The following USP30 variants were observed in gnomAD, a reference collection of about 807,000 sequenced individuals.
USP30 encodes the protein ubiquitin carboxyl-terminal hydrolase 30.
Under a neutral mutation model 68.2 loss-of-function variants are expected in USP30, and 41 were observed. That is an observed-to-expected ratio of 0.60 (90% CI 0.47 to 0.78). The LOEUF (loss-of-function observed/expected upper bound fraction) is 0.78. Among genes scored for constraint, USP30 ranks in the 30% least tolerant of loss-of-function variants. The pLI, the probability that USP30 is intolerant of heterozygous loss-of-function variation, is 0.00. For missense variants in USP30, 522 were observed against 649.4 expected (o/e 0.80, Z 2.13); for synonymous variants, 229 against 253.7 (o/e 0.90, Z 0.93).
In USP30 at chr12:109,052,704, C is replaced by T. The variant is rs757294030; in HGVS notation, c.26C>T (p.Ala9Val). The stretch of plus-strand genomic sequence containing the variant: ...ATGCTGAGCTCCCGGGCCGAGGCGG[C>T]GATGACCGCGGCCGACAGGGCCATC... MLSSRAEA[A>V]MTAADRAIQR... is the part of the protein sequence containing the mutation. The change falls in exon 1 of 13, where the codon GCG (alanine) becomes GTG (valine). Residue 9 changes from alanine to valine, a missense_variant. Coordinates refer to ENST00000257548, the MANE Select transcript of USP30 (RefSeq NM_032663.5). The T allele has an allele frequency of 6.7e-6, 10 of 1,483,722 alleles. No individual in the cohort carries two copies. Among genetic ancestry groups the T allele is most frequent in the Middle Eastern group, 1.9e-4 (1 of 5,344 alleles). 91.9% of individuals were successfully genotyped at this position (1,483,722 alleles called of 1,614,324 possible). A position where few individuals can be genotyped will look rare whatever the true frequency, so the allele number is the denominator to read the frequency against.
intron 4 of USP30, 22 bp downstream of exon 4, chr12:109,067,649 G>A (rs117705396): frequency 0.01 from 16,287 of 1,605,296 alleles, 126 homozygotes; most frequent in Middle Eastern, 0.013. Context: ...ATTTGAACAG[G>A]TTTAGCTTGG....
At chr12:109,028,056 G>A (rs754981222) in intron 3 of USP30, among the ~76,000 whole-genome samples, 7 of 152,324 alleles carry the variant, frequency 4.6e-5, no homozygotes, top group Admixed American at 6.5e-5. Context: ...CTCAACACTT[G>A]TTGATAATAG....
At chr12:109,042,545 T>A (rs2040572388) in intron 3 of USP30, among the ~76,000 whole-genome samples, 2 of 152,200 alleles carry the variant, frequency 1.3e-5, no homozygotes, top group African/African-American at 4.8e-5. Flanking sequence ...ATTGTTTTCA[T>A]AGCTACATAG....
In USP30 at chr12:109,081,921, C is replaced by T. The variant is rs752996506; in HGVS notation, c.781-12C>T. ...TTTGAATTGTAGTAATTTTCTTCTT[C>T]TCATGCTGTAGGGTCACCCATTGAC... On this transcript the variant is annotated splice_polypyrimidine_tract_variant and intron_variant, in intron 8 of 12. Transcript: ENST00000257548. 1 of 1,613,502 alleles carries T rather than the reference C, an allele frequency of 6.2e-7. No homozygotes were observed. The highest frequency in any genetic ancestry group is 8.5e-7 in the Non-Finnish European group (1 of 1,179,422).
At chr12:109,055,015 T>TACAC (rs377599084) in intron 1 of USP30, among the ~76,000 whole-genome samples, 1 of 151,190 alleles carries the variant, frequency 6.6e-6, no homozygotes, top group African/African-American at 2.4e-5. Flanking sequence ...AATAATGTAT[T>TACAC]ACACACACAC....
intron 2 of USP30, among the ~76,000 whole-genome samples, chr12:109,026,329 G>A (rs370437661): frequency 2.4e-4 from 37 of 152,180 alleles, no homozygotes; most frequent in African/African-American, 8.4e-4. Flanking sequence ...ACCCGCCTTG[G>A]CCTCCCAAAG....
At chr12:109,056,175 TTTG>T (rs138193365) in intron 1 of USP30, among the ~76,000 whole-genome samples, 87,023 of 151,260 alleles carry the variant, frequency 0.58, 25,744 homozygotes, top group East Asian at 0.82. Context: ...TGACTTAGTT[TTTG>T]TTGTTGTTGT....
At chr12:109,082,386 C>T (rs1202745028) in intron 9 of USP30, 4 of 539,834 alleles carry the variant, frequency 7.4e-6, no homozygotes, top group East Asian at 3.1e-5. Context: ...CTGTATGGAA[C>T]AGAATTTTTG....
At chr12:109,083,278 A>G (rs2135829987) in intron 11 of USP30, among the ~76,000 whole-genome samples, 1 of 152,310 alleles carries the variant, frequency 6.6e-6, no homozygotes, top group East Asian at 1.9e-4. Flanking sequence ...TTGAAACCAT[A>G]TTACAGATGA....
At position 109,076,893 on chromosome 12, in the gene USP30, G is replaced by A. The variant is rs12229459; in HGVS notation, c.720+3361G>A. 1.4e-4 allele frequency among the ~76,000 whole-genome samples: 21 copies of A among 151,762 alleles called. No homozygotes were observed. The East Asian group carries it at 2.9e-3, about 21-fold the overall frequency. Reference sequence around the variant, plus strand: ...ACTACAGGCGCCCGCCACCACGCCCGGCTAATTTTTTGTATTTTTTAGTAG... The same window carrying A: ...ACTACAGGCGCCCGCCACCACGCCCAGCTAATTTTTTGTATTTTTTAGTAG... On this transcript the variant is annotated intron_variant, in intron 7 of 12. Coordinates refer to ENST00000257548, the MANE Select transcript of USP30 (RefSeq NM_032663.5).
chr12:109,060,872 C>T (rs1406447271), intron 3 of USP30, among the ~76,000 whole-genome samples: 2 of 152,200 alleles, frequency 1.3e-5, no homozygotes, highest in Admixed American at 1.3e-4. Context: ...TCTCGAACTC[C>T]TGACCTCAAG....
exon 3 of USP30, chr12:109,027,489 A>AGGCTG (rs2040453021): frequency 6.6e-6 from 1 of 152,184 alleles, no homozygotes; most frequent in Non-Finnish European, 1.5e-5. Context: ...TATGTAACCC[A>AGGCTG]GGCTGGTCTC....
At chr12:109,037,139 C>T (rs1488719714) in intron 3 of USP30, among the ~76,000 whole-genome samples, 1 of 152,132 alleles carries the variant, frequency 6.6e-6, no homozygotes, top group African/African-American at 2.4e-5. Context: ...TTCTGTTCCT[C>T]ATCTCAATGG....
chr12:109,051,818 C>T (rs1011232320), upstream of USP30, among the ~76,000 whole-genome samples: 2 of 152,090 alleles, frequency 1.3e-5, no homozygotes, highest in African/African-American at 4.8e-5. Flanking sequence ...GATCCACCAG[C>T]CTCGTTCTCC....
chr12:109,032,928 A>C (rs774518144), intron 3 of USP30, among the ~76,000 whole-genome samples: 2 of 152,320 alleles, frequency 1.3e-5, no homozygotes. Flanking sequence ...AAAAGTGAAT[A>C]CTTTAAGGGA....
upstream of USP30, chr12:109,052,289 C>G (rs1285590805): frequency 1.2e-5 from 2 of 165,260 alleles, no homozygotes; most frequent in African/African-American, 4.8e-5. Flanking sequence ...GAGGCCTGAC[C>G]CGACTTTCGG....
upstream of USP30, among the ~76,000 whole-genome samples, chr12:109,052,013 CA>C (rs2040682893): frequency 6.6e-6 from 1 of 152,184 alleles, no homozygotes; most frequent in Non-Finnish European, 1.5e-5. Context: ...CAAGCTGCGT[CA>C]AAAAACTTAC....
chr12:109,025,528 C>A (rs1474992434), intron 2 of USP30, among the ~76,000 whole-genome samples: 2 of 151,976 alleles, frequency 1.3e-5, no homozygotes, highest in Admixed American at 6.6e-5. Flanking sequence ...TTGGGAAAAA[C>A]TAAATCCTCC....
chr12:109,044,381 C>T (rs1032534263), intron 3 of USP30, among the ~76,000 whole-genome samples: 2 of 152,232 alleles, frequency 1.3e-5, no homozygotes, highest in South Asian at 2.1e-4. Flanking sequence ...CTCACGCCTG[C>T]GATCTGAGCA....
Sources: allele counts gnomAD v4.1 joint callset (sites outside exome capture counted in the v4.1 genomes callset), GRCh38; gene constraint gnomAD v4.1.1; transcripts MANE v1.5; gene names NCBI Gene and HGNC (gene_info 2026-07-23, HGNC 2026-07-21).